Variants in NCOA2 observed in about 807,000 individuals in gnomAD.
NCOA2 encodes the protein nuclear receptor coactivator 2, also known as class E basic helix-loop-helix protein 75.
NCOA2 carries 21 observed loss-of-function variants against 145.1 expected under a neutral mutation model. The observed-to-expected ratio is 0.14, with a 90% CI of 0.10 to 0.21. The LOEUF is 0.21. NCOA2 is among the 10% of genes least tolerant of loss of function. The pLI, the probability that NCOA2 is intolerant of heterozygous loss-of-function variation, is 1.00. For synonymous variants in NCOA2, 619 were observed against 637.5 expected, an observed-to-expected ratio of 0.97 and a Z score of 0.44; for missense variants, 1,472 against 1,837.6, an observed-to-expected ratio of 0.80 and a Z score of 3.64.
chr8:70,443,752 G>A, the NCOA2 span, among the ~76,000 whole-genome samples: 1 of 151,674 alleles, frequency 6.6e-6, no homozygotes, highest in Non-Finnish European at 1.5e-5. Context: ...CTTTTTTTTT[G>A]GTAGAGATGT....
At chr8:70,198,215 T>C (rs1262589864) in intron 4 of NCOA2, among the ~76,000 whole-genome samples, 1 of 152,192 alleles carries the variant, frequency 6.6e-6, no homozygotes, top group African/African-American at 2.4e-5. Flanking sequence ...GTGGTAATGG[T>C]AATAGGGAGT....
At chr8:70,293,451 C>CACA (rs534797661) in intron 2 of NCOA2, among the ~76,000 whole-genome samples, 127 of 152,234 alleles carry the variant, frequency 8.3e-4, no homozygotes, top group Non-Finnish European at 1.7e-3. Flanking sequence ...GCACTTAGTA[C>CACA]ACAACAACAA....
intron 5 of NCOA2, among the ~76,000 whole-genome samples, chr8:70,171,362 T>C (rs895534041): frequency 6.6e-6 from 1 of 152,228 alleles, no homozygotes; most frequent in Non-Finnish European, 1.5e-5. Context: ...ACAGCTTGAA[T>C]GTGAATCCAG....
chr8:70,226,680 A>AT (rs1491151640), intron 2 of NCOA2, among the ~76,000 whole-genome samples: 13 of 148,014 alleles, frequency 8.8e-5, no homozygotes, highest in African/African-American at 3.0e-4. Context: ...ATATATATAT[A>AT]AAACTATACT....
At chr8:70,305,198 A>C (rs995174282) in intron 1 of NCOA2, among the ~76,000 whole-genome samples, 10 of 151,714 alleles carry the variant, frequency 6.6e-5, no homozygotes, top group African/African-American at 2.4e-4. Context: ...CATTAACATT[A>C]TATATGTAAC....
intron 1 of NCOA2, among the ~76,000 whole-genome samples, chr8:70,341,929 T>C (rs1808177589): frequency 6.6e-6 from 1 of 152,216 alleles, no homozygotes; most frequent in South Asian, 2.1e-4. Flanking sequence ...ACTTTTTCAA[T>C]ACACATCTCT....
intron 1 of NCOA2, among the ~76,000 whole-genome samples, chr8:70,333,196 C>T (rs1046700273): frequency 6.6e-6 from 1 of 152,168 alleles, no homozygotes. Flanking sequence ...GCTTGCAGGG[C>T]ATGTTCAAAG....
chr8:70,333,055 G>C (rs11777228), intron 1 of NCOA2, among the ~76,000 whole-genome samples: 3 of 152,140 alleles, frequency 2.0e-5, no homozygotes, highest in Non-Finnish European at 4.4e-5. Context: ...CTCAATGATA[G>C]TGGCAAAGCA....
the NCOA2 span, among the ~76,000 whole-genome samples, chr8:70,413,995 C>T: frequency 2.0e-5 from 3 of 151,976 alleles, no homozygotes; most frequent in Non-Finnish European, 4.4e-5. Context: ...TTTATTATTC[C>T]TATATCTGTC....
At chr8:70,118,641 T>G (rs755497302) in intron 22 of NCOA2, among the ~76,000 whole-genome samples, 20 of 152,080 alleles carry the variant, frequency 1.3e-4, no homozygotes, top group Non-Finnish European at 2.4e-4. Flanking sequence ...CACTTTTTTT[T>G]GGGAGGAAAC....
chr8:70,374,785 T>G (rs1299311503), intron 1 of NCOA2, among the ~76,000 whole-genome samples: 4 of 147,960 alleles, frequency 2.7e-5, no homozygotes, highest in African/African-American at 1.0e-4. Flanking sequence ...CAGAGAAAGA[T>G]GCTGTCTCTT....
intron 2 of NCOA2, among the ~76,000 whole-genome samples, chr8:70,274,770 G>T (rs557778229): frequency 1.7e-4 from 26 of 152,090 alleles, no homozygotes; most frequent in African/African-American, 6.0e-4. Flanking sequence ...AAAATCACTG[G>T]TGGCCTGCAA....
intron 1 of NCOA2, among the ~76,000 whole-genome samples, chr8:70,315,154 C>T (rs1035426885): frequency 2.0e-5 from 3 of 152,134 alleles, no homozygotes; most frequent in Non-Finnish European, 2.9e-5. Flanking sequence ...GTTGATGATG[C>T]TGATGATACA....
chr8:70,278,530 T>C (rs541824750), intron 2 of NCOA2, among the ~76,000 whole-genome samples: 52 of 152,264 alleles, frequency 3.4e-4, no homozygotes, highest in Admixed American at 7.8e-4. Context: ...AGTCACTTCC[T>C]AGAATCCGCT....
intron 1 of NCOA2, among the ~76,000 whole-genome samples, chr8:70,393,384 C>G (rs1234556222): frequency 6.6e-6 from 1 of 152,156 alleles, no homozygotes. Flanking sequence ...GTGGGATATC[C>G]TGAATTGTAC....
At chr8:70,171,072 C>T (rs1398909925) in intron 5 of NCOA2, among the ~76,000 whole-genome samples, 1 of 152,134 alleles carries the variant, frequency 6.6e-6, no homozygotes, top group African/African-American at 2.4e-5. Flanking sequence ...TACTTGTTCT[C>T]CAGATTAAGA....
At position 70,286,654 on chromosome 8, in the gene NCOA2, T is replaced by C. The variant is rs186384574; in HGVS notation, c.-20+10090A>G. On this transcript the variant is annotated intron_variant, in intron 2 of 22. Transcript: ENST00000452400. ...AGACAAGAGAAAAAGAAAACGGCAG[T>C]TGTGAATAAAGTAAATTCTAGGTAG... 7.7e-3 allele frequency among the ~76,000 whole-genome samples: 1,166 copies of C among 152,294 alleles called. 11 individuals carry two copies. The highest frequency in any genetic ancestry group is 0.026 in the African/African-American group (1,073 of 41,560).
At chr8:70,424,405 G>C in the NCOA2 span, 3 of 414,644 alleles carry the variant, frequency 7.2e-6, no homozygotes, top group South Asian at 5.9e-5. Context: ...CATCCTCAGA[G>C]AGTCCTGTGC....
chr8:70,315,895 A>G (rs1205113169), intron 1 of NCOA2, among the ~76,000 whole-genome samples: 1 of 152,216 alleles, frequency 6.6e-6, no homozygotes, highest in Non-Finnish European at 1.5e-5. Flanking sequence ...AGGGCTGAGG[A>G]CTGAATTGAG....
Sources: allele counts gnomAD v4.1 joint callset (sites outside exome capture counted in the v4.1 genomes callset), GRCh38; gene constraint gnomAD v4.1.1; transcripts MANE v1.5; gene names NCBI Gene and HGNC (gene_info 2026-07-23, HGNC 2026-07-21).